C7: variants seen among roughly 807,000 people sequenced by gnomAD.
C7 encodes the protein complement component C7.
A neutral mutation model predicts 104.8 loss-of-function variants in C7; 83 were observed. That is an observed-to-expected ratio of 0.79 (90% CI 0.66 to 0.95). The LOEUF (loss-of-function observed/expected upper bound fraction) is 0.95. Ranked by LOEUF, C7 falls within the 40% of genes least tolerant of loss-of-function variation. The pLI is 0.00. For missense variants in C7, 1,070 were observed against 1,011.2 expected (o/e 1.06, Z -0.79); for synonymous variants, 415 against 360.6 (o/e 1.15, Z -1.71).
intron 14 of C7, among the ~76,000 whole-genome samples, chr5:40,968,081 T>A (rs773285414): frequency 2.0e-5 from 3 of 152,144 alleles, no homozygotes; most frequent in Admixed American, 2.0e-4. Flanking sequence ...ATCATTTTTT[T>A]GTTTGTTTTC....
chr5:40,923,500 C>G (rs1248140614), intron 1 of C7, among the ~76,000 whole-genome samples: 3 of 152,112 alleles, frequency 2.0e-5, no homozygotes, highest in African/African-American at 7.2e-5. Flanking sequence ...AATCCTGACA[C>G]TTTGGGAGGC....
chr5:40,932,994 A>T (rs1739728585), intron 3 of C7, among the ~76,000 whole-genome samples: 1 of 152,184 alleles, frequency 6.6e-6, no homozygotes, highest in African/African-American at 2.4e-5. Context: ...TCTTATGCAA[A>T]CAACACCATC....
intron 15 of C7, among the ~76,000 whole-genome samples, chr5:40,972,900 T>TTTTG (rs970721890): frequency 4.6e-5 from 7 of 152,202 alleles, no homozygotes; most frequent in African/African-American, 7.2e-5. Flanking sequence ...AAAATCTGTT[T>TTTTG]TTTGTTTGTT....
chr5:40,935,808 T>G (rs552053173), intron 4 of C7, among the ~76,000 whole-genome samples: 1 of 152,356 alleles, frequency 6.6e-6, no homozygotes, highest in East Asian at 1.9e-4. Context: ...CTTTGTAGTA[T>G]TTCCTATTAG....
At chr5:40,931,862 G>A (rs1253961892) in intron 3 of C7, among the ~76,000 whole-genome samples, 4 of 152,172 alleles carry the variant, frequency 2.6e-5, no homozygotes, top group Non-Finnish European at 4.4e-5. Flanking sequence ...GGGTTCAAGT[G>A]ATTCTCCTGC....
intron 14 of C7, among the ~76,000 whole-genome samples, chr5:40,966,574 T>C (rs71623870): frequency 0.22 from 32,736 of 151,932 alleles, 4,028 homozygotes; most frequent in South Asian, 0.4. Flanking sequence ...AGATGGGGTT[T>C]CACTCTGTTG....
chr5:40,937,452 A>G, intron 5 of C7, 100 bp from the exon 6 acceptor site: 1 of 1,222,652 alleles, frequency 8.2e-7, no homozygotes, highest in South Asian at 1.6e-5. Flanking sequence ...CATTTTAAGA[A>G]TTTGTAGAGT....
intron 6 of C7, among the ~76,000 whole-genome samples, chr5:40,942,477 A>C (rs1026957551): frequency 9.2e-5 from 14 of 152,276 alleles, no homozygotes; most frequent in African/African-American, 3.4e-4. Flanking sequence ...AAGTTTGTAG[A>C]TTTGTTAGCC....
chr5:40,983,156 C>CA lies in C7; in HGVS notation c.*1583_*1584insA, dbSNP rs1296348030. On this transcript the variant is annotated 3_prime_UTR_variant, in exon 18 of 18. Coordinates refer to ENST00000313164, the MANE Select transcript of C7 (RefSeq NM_000587.4). The stretch of plus-strand genomic sequence containing the variant: ...CAGACATTGCAACTGCATTTGTTAG[C>CA]GGTTATTACAGAGTTAATTTCTACC... Among the ~76,000 whole-genome samples the CA allele has an allele frequency of 6.6e-6, 1 of 152,130 alleles. No individual in the cohort carries two copies. Among genetic ancestry groups the CA allele is most frequent in the Non-Finnish European group, 1.5e-5 (1 of 68,032 alleles).
chr5:40,971,939 C>A lies in C7; in HGVS notation c.1883-464C>A, dbSNP rs117322855. The A allele has an allele frequency of 7.4e-3, 2,970 of 400,116 alleles. 98 individuals carry two copies. The East Asian group carries it at 0.086, about 12-fold the overall frequency. 24.8% of individuals were successfully genotyped at this position (400,116 alleles called of 1,614,324 possible). On this transcript the variant is annotated intron_variant, in intron 14 of 17. Transcript: ENST00000313164. ...AATCACTGCTCTCCAGCCTGGGCAA[C>A]AAGACAGACCCTGTCCCTAAAAAAT...
chr5:40,941,269 G>C (rs1240354722), intron 6 of C7, among the ~76,000 whole-genome samples: 4 of 151,896 alleles, frequency 2.6e-5, no homozygotes, highest in Admixed American at 2.0e-4. Context: ...TCGCCATGTC[G>C]GTCAGGCTGG....
intron 14 of C7, among the ~76,000 whole-genome samples, chr5:40,965,976 T>C (rs1740542766): frequency 6.6e-6 from 1 of 152,116 alleles, no homozygotes. Context: ...CTAATAATGT[T>C]AAGCTTGTTT....
rs1452150001 is a variant in C7, at chr5:40,949,725, C to T, written c.983-179C>T. Among the ~76,000 whole-genome samples, 3 of 152,220 alleles carry T rather than the reference C, an allele frequency of 2.0e-5. No homozygotes were observed. In the South Asian group the frequency reaches 6.2e-4, roughly 32 times the overall value. ...TCTGAAGCTGATAGAAGGAAAATAA[C>T]AAAAGTCAATTTTTTCTGATCTTTG... On this transcript the variant is annotated intron_variant, in intron 8 of 17. Coordinates refer to ENST00000313164, the MANE Select transcript of C7 (RefSeq NM_000587.4).
intron 1 of C7, among the ~76,000 whole-genome samples, chr5:40,915,155 A>G (rs1205979998): frequency 2.0e-5 from 3 of 152,230 alleles, no homozygotes; most frequent in African/African-American, 4.8e-5. Context: ...AAAGAACCAC[A>G]AAAACACTGG....
At chr5:40,915,749 G>A (rs1162902080) in intron 1 of C7, among the ~76,000 whole-genome samples, 2 of 152,020 alleles carry the variant, frequency 1.3e-5, no homozygotes, top group African/African-American at 4.8e-5. Context: ...TTTCAGATAT[G>A]CTAATCAGCA....
At position 40,918,263 on chromosome 5, in the gene C7, G is replaced by A. The variant is rs563408196; in HGVS notation, c.6+8647G>A. On this transcript the variant is annotated intron_variant, in intron 1 of 17. Coordinates refer to ENST00000313164, the MANE Select transcript of C7 (RefSeq NM_000587.4). Reference sequence around the variant, plus strand: ...GGTCCCAGCTACTCACAAAGGCTGAGGTGGGAGCATCATTTGAGCCTGGGA... The same window carrying A: ...GGTCCCAGCTACTCACAAAGGCTGAAGTGGGAGCATCATTTGAGCCTGGGA... 9.9e-5 allele frequency among the ~76,000 whole-genome samples: 15 copies of A among 152,076 alleles called. No homozygotes were observed. The East Asian group carries it at 2.9e-3, about 29-fold the overall frequency.
intron 4 of C7, among the ~76,000 whole-genome samples, chr5:40,935,418 G>C (rs6879251): frequency 0.014 from 2,121 of 152,210 alleles, 51 homozygotes; most frequent in African/African-American, 0.048. Context: ...AGTATAGCAG[G>C]GTACATGTCC....
chr5:40,927,076 A>G (rs1739568758), intron 1 of C7, among the ~76,000 whole-genome samples: 1 of 152,154 alleles, frequency 6.6e-6, no homozygotes, highest in Admixed American at 6.5e-5. Context: ...CAGAATAGAG[A>G]GCCCAGAAAT....
In C7 at chr5:40,974,460, G is replaced by T. The variant is rs372181090; in HGVS notation, c.2074+1866G>T. On this transcript the variant is annotated intron_variant, in intron 15 of 17. Transcript: ENST00000313164. ...AGATGCAGTCTCGTTCTGTCACCCAGGCTGGAGTGCAGCGGCACAATCTCA... is the reference window on the plus strand; with the variant it reads ...AGATGCAGTCTCGTTCTGTCACCCATGCTGGAGTGCAGCGGCACAATCTCA... 2.9e-4 allele frequency among the ~76,000 whole-genome samples: 44 copies of T among 150,160 alleles called. No homozygotes were observed. In the East Asian group the frequency reaches 7.1e-3, roughly 24 times the overall value.
Sources: gnomAD v4.1 joint callset for allele counts (sites outside exome capture counted in the v4.1 genomes callset) on GRCh38, gnomAD v4.1.1 for gene constraint, MANE v1.5 for transcripts, NCBI Gene and HGNC (gene_info 2026-07-23, HGNC 2026-07-21) for gene names.